Variants in DHX57 observed in about 807,000 individuals in gnomAD.
The protein encoded by DHX57 is putative ATP-dependent RNA helicase DHX57.
A neutral mutation model predicts 156.2 loss-of-function variants in DHX57; 105 were observed. The observed-to-expected ratio is 0.67, with a 90% confidence interval of 0.57 to 0.79. The LOEUF (loss-of-function observed/expected upper bound fraction) is 0.79. Ranked by LOEUF, DHX57 falls within the 30% of genes least tolerant of loss-of-function variation. The pLI is 0.00. For missense variants in DHX57, 1,847 were observed against 1,661.9 expected, an observed-to-expected ratio of 1.11 and a Z score of -1.94; for synonymous variants, 704 against 595.6, an observed-to-expected ratio of 1.18 and a Z score of -2.65.
rs768817265 is a variant in DHX57, at chr2:38,826,557, A to G, written c.2772T>C (p.Asp924=). The part of the protein sequence containing the change: ...NIAETSITID[D]VVYVIDSGKM... ...TCCCAGAATCGATAACATAGACAAC[A>G]TCATCGATGGTTATGGATGTCTCAG... The change falls in exon 15 of 24, where the codon GAT becomes GAC. Residue 924 remains aspartate (D), a synonymous_variant. Coordinates refer to ENST00000457308, the MANE Select transcript of DHX57 (RefSeq NM_198963.3). The G allele has an allele frequency of 6.2e-7, 1 of 1,614,126 alleles. No homozygotes were observed. Among genetic ancestry groups the G allele is most frequent in the Non-Finnish European group, 8.5e-7 (1 of 1,180,022 alleles).
chr2:38,856,214 C>G (rs902651014), intron 7 of DHX57, 126 bp downstream of exon 7: 9 of 1,345,932 alleles, frequency 6.7e-6, no homozygotes, highest in Non-Finnish European at 7.8e-6. Flanking sequence ...CCTTATGTCT[C>G]AAGGCAGATG....
intron 19 of DHX57, chr2:38,816,178 C>T (rs1670537473): frequency 1.3e-5 from 6 of 470,786 alleles, no homozygotes; most frequent in Non-Finnish European, 2.6e-5. Context: ...GCTGGCTCAT[C>T]TCTTTTCCTA....
At chr2:38,809,686 A>C (rs1371886402) in intron 21 of DHX57, among the ~76,000 whole-genome samples, 1 of 151,808 alleles carries the variant, frequency 6.6e-6, no homozygotes, top group Non-Finnish European at 1.5e-5. Context: ...GCTGATCTTG[A>C]ACTCCTGACC....
Position 38,861,572 on chromosome 2 carries a change from A to T in DHX57, c.838T>A (p.Tyr280Asn), listed in dbSNP as rs1294078359. 2 of 1,614,152 alleles carry T rather than the reference A, an allele frequency of 1.2e-6. No homozygotes were observed. The highest frequency in any genetic ancestry group is 1.7e-6 in the Non-Finnish European group (2 of 1,180,026). The change falls in exon 5 of 24, where the codon TAT becomes AAT. Residue 280 changes from tyrosine to asparagine, a missense_variant. Transcript: ENST00000457308. The part of the protein sequence containing the change: ...RVWTIGLELE[Y>N]LTSRFRKSKP... ...GATTTGCGGAATCTACTTGTCAGATACTCCAGTTCTAACCCAATGGTCCAG... is the reference window on the plus strand; with the variant it reads ...GATTTGCGGAATCTACTTGTCAGATTCTCCAGTTCTAACCCAATGGTCCAG...
At chr2:38,829,180 T>C (rs1572651898) in intron 13 of DHX57, among the ~76,000 whole-genome samples, 1 of 152,192 alleles carries the variant, frequency 6.6e-6, no homozygotes, top group Admixed American at 6.5e-5. Flanking sequence ...TGGACTCAAG[T>C]GATCCACCCG....
At chr2:38,843,444 A>G (rs1429641967) in intron 11 of DHX57, among the ~76,000 whole-genome samples, 1 of 152,234 alleles carries the variant, frequency 6.6e-6, no homozygotes, top group African/African-American at 2.4e-5. Flanking sequence ...AGCTCTATCC[A>G]GGAATAATGG....
chr2:38,851,140 A>C (rs1392080700), intron 9 of DHX57, among the ~76,000 whole-genome samples: 1 of 152,186 alleles, frequency 6.6e-6, no homozygotes, highest in Non-Finnish European at 1.5e-5. Flanking sequence ...GCACAACAAA[A>C]CTATATAATC....
At chr2:38,823,493 C>T (rs1271204035) in intron 16 of DHX57, among the ~76,000 whole-genome samples, 1 of 152,136 alleles carries the variant, frequency 6.6e-6, no homozygotes, top group African/African-American at 2.4e-5. Context: ...ATGCTTCTTT[C>T]CATAACAGTG....
chr2:38,861,569 G>A lies in DHX57; in HGVS notation c.841C>T (p.Leu281=). The A allele has an allele frequency of 1.2e-6, 2 of 1,614,168 alleles. No individual in the cohort carries two copies. Among genetic ancestry groups the A allele is most frequent in the Non-Finnish European group, 1.7e-6 (2 of 1,180,030 alleles). ...TTGGATTTGCGGAATCTACTTGTCA[G>A]ATACTCCAGTTCTAACCCAATGGTC... ...VWTIGLELEY[L]TSRFRKSKPK... is the part of the protein sequence containing the mutation. Residue 281 remains leucine (L), a synonymous_variant, in exon 5 of 24, where the codon CTG becomes TTG. Transcript: ENST00000457308.
chr2:38,867,806 C>A (rs1003748413), intron 2 of DHX57, among the ~76,000 whole-genome samples: 5 of 152,208 alleles, frequency 3.3e-5, no homozygotes, highest in Admixed American at 1.3e-4. Flanking sequence ...GATCCACACA[C>A]CTGGGCCTCC....
At chr2:38,814,578 G>A (rs954984787) in intron 20 of DHX57, among the ~76,000 whole-genome samples, 1 of 152,116 alleles carries the variant, frequency 6.6e-6, no homozygotes. Flanking sequence ...TCTTCCTATA[G>A]TTATAGAAAA....
intron 23 of DHX57, among the ~76,000 whole-genome samples, chr2:38,800,472 T>C (rs1669630115): frequency 1.3e-5 from 2 of 152,208 alleles, no homozygotes; most frequent in African/African-American, 4.8e-5. Flanking sequence ...TGTAGACATC[T>C]TCCCAGCATC....
chr2:38,807,157 C>T (rs1669986404), intron 21 of DHX57, among the ~76,000 whole-genome samples: 1 of 151,536 alleles, frequency 6.6e-6, no homozygotes, highest in African/African-American at 2.4e-5. Context: ...CAGGTTCATG[C>T]AATTCTCCTG....
At chr2:38,800,448 T>C (rs1313531471) in intron 23 of DHX57, among the ~76,000 whole-genome samples, 1 of 152,190 alleles carries the variant, frequency 6.6e-6, no homozygotes. Flanking sequence ...TTGCTTATGC[T>C]GATGTTGTGG....
chr2:38,855,047 G>C lies in DHX57; in HGVS notation c.1905+10C>G, dbSNP rs748254047. ...TTTCTGTTACCAGGAAATAAGCAGA[G>C]CATACAAACCTTGACACTTTCTAAC... On this transcript the variant is annotated intron_variant, in intron 8 of 23. Coordinates refer to ENST00000457308, the MANE Select transcript of DHX57 (RefSeq NM_198963.3). 1.2e-6 allele frequency: 2 copies of C among 1,614,080 alleles called. No homozygotes were observed. The highest frequency in any genetic ancestry group is 2.2e-5 in the South Asian group (2 of 91,084).
At chr2:38,815,426 C>T in intron 20 of DHX57, 95 bp downstream of exon 20, 1 of 1,517,840 alleles carries the variant, frequency 6.6e-7, no homozygotes, top group Non-Finnish European at 9.0e-7. Flanking sequence ...TGCTCAAAGG[C>T]TTAAGTGAAG....
intron 13 of DHX57, among the ~76,000 whole-genome samples, chr2:38,836,410 A>C (rs1297801676): frequency 6.6e-6 from 1 of 152,152 alleles, no homozygotes; most frequent in Non-Finnish European, 1.5e-5. Flanking sequence ...AATGAATAGT[A>C]AATATATTTT....
At chr2:38,806,362 T>C in intron 22 of DHX57, 197 bp downstream of exon 22, 1 of 561,318 alleles carries the variant, frequency 1.8e-6, no homozygotes, top group Non-Finnish European at 2.9e-6. Context: ...TGGTATTCAG[T>C]AGAATTTTCT....
intron 11 of DHX57, among the ~76,000 whole-genome samples, chr2:38,843,804 A>T (rs1672133000): frequency 6.6e-6 from 1 of 152,260 alleles, no homozygotes; most frequent in Non-Finnish European, 1.5e-5. Context: ...GAGACTTCTA[A>T]CAAGTCAATT....
Sources: allele counts gnomAD v4.1 joint callset (sites outside exome capture counted in the v4.1 genomes callset), GRCh38; gene constraint gnomAD v4.1.1; transcripts MANE v1.5; gene names NCBI Gene and HGNC (gene_info 2026-07-23, HGNC 2026-07-21).